GPHN: variants seen among roughly 807,000 people sequenced by gnomAD.
The protein encoded by GPHN is gephyrin.
GPHN carries 17 observed loss-of-function variants against 95.5 expected under a neutral mutation model. The ratio of observed to expected loss-of-function variants is 0.18; its 90% CI spans 0.12 to 0.27. The LOEUF (loss-of-function observed/expected upper bound fraction) is 0.27, where lower values mean the gene tolerates loss of function less well. Among genes scored for constraint, GPHN ranks in the 10% least tolerant of loss-of-function variants. The probability of loss-of-function intolerance (pLI) is 1.00; values close to 1 mark genes in which losing one functional copy is unlikely to be tolerated. For synonymous variants in GPHN, 320 were observed against 322.5 expected (o/e 0.99, Z 0.08); for missense variants, 660 against 978.1 (o/e 0.67, Z 4.34).
chr14:67,393,035 C>T, the GPHN span: 2 of 940,404 alleles, frequency 2.1e-6, no homozygotes, highest in Admixed American at 3.6e-5. Context: ...TCAGGCTAGC[C>T]TGTTGCCCAG....
chr14:66,672,399 C>A (rs117794758), intron 1 of GPHN, among the ~76,000 whole-genome samples: 135 of 152,196 alleles, frequency 8.9e-4, no homozygotes, highest in Non-Finnish European at 1.5e-3. Context: ...TGGATGAAGT[C>A]ATCAATAGAT....
chr14:67,027,276 A>T (rs1402348230), intron 10 of GPHN, among the ~76,000 whole-genome samples: 1 of 152,200 alleles, frequency 6.6e-6, no homozygotes, highest in Non-Finnish European at 1.5e-5. Flanking sequence ...AAAATAAAAA[A>T]ATTTTACAGA....
At chr14:66,795,992 C>T (rs2060143422) in intron 3 of GPHN, among the ~76,000 whole-genome samples, 1 of 152,134 alleles carries the variant, frequency 6.6e-6, no homozygotes, top group African/African-American at 2.4e-5. Flanking sequence ...CCCCCTCTAC[C>T]CTTCCTAGCC....
chr14:66,538,846 T>C (rs1242585791), intron 1 of GPHN, among the ~76,000 whole-genome samples: 1 of 151,940 alleles, frequency 6.6e-6, no homozygotes, highest in Non-Finnish European at 1.5e-5. Flanking sequence ...ATACAATATA[T>C]GAAATTAATA....
At chr14:67,572,008 C>T in the GPHN span, 1 of 1,480,908 alleles carries the variant, frequency 6.8e-7, no homozygotes, top group African/African-American at 1.4e-5. Flanking sequence ...GCTCGTGACC[C>T]CCCAGCAGCT....
At chr14:66,510,116 A>G (rs893819006) in intron 1 of GPHN, among the ~76,000 whole-genome samples, 37 of 152,168 alleles carry the variant, frequency 2.4e-4, no homozygotes, top group Admixed American at 5.2e-4. Flanking sequence ...TGGTCCTGAA[A>G]CTGTTTGGGT....
chr14:67,126,612 A>G (rs560661610), intron 17 of GPHN, among the ~76,000 whole-genome samples: 5 of 152,330 alleles, frequency 3.3e-5, no homozygotes, highest in Admixed American at 3.3e-4. Flanking sequence ...TTTTGAAAGG[A>G]TGTGGAGAAA....
chr14:66,838,189 A>C (rs1353574872), intron 4 of GPHN, among the ~76,000 whole-genome samples: 1 of 152,164 alleles, frequency 6.6e-6, no homozygotes, highest in Non-Finnish European at 1.5e-5. Context: ...TTATGTGTAA[A>C]ATGATAGTAA....
intron 5 of GPHN, among the ~76,000 whole-genome samples, chr14:66,893,124 A>G (rs983252617): frequency 2.0e-5 from 3 of 152,104 alleles, no homozygotes; most frequent in African/African-American, 4.8e-5. Context: ...CAACTTTTAT[A>G]TTTTCCTAAA....
At chr14:66,793,607 G>C (rs924807718) in intron 3 of GPHN, among the ~76,000 whole-genome samples, 1 of 152,042 alleles carries the variant, frequency 6.6e-6, no homozygotes, top group Non-Finnish European at 1.5e-5. Flanking sequence ...ATCTGTGTGT[G>C]ATTGTGTATA....
the GPHN span, among the ~76,000 whole-genome samples, chr14:67,348,313 G>T: frequency 6.6e-6 from 1 of 151,862 alleles, no homozygotes; most frequent in Non-Finnish European, 1.5e-5. Flanking sequence ...CAGGCGATCC[G>T]CCCACCTTGG....
chr14:66,986,878 A>G (rs2071061234), intron 9 of GPHN, among the ~76,000 whole-genome samples: 1 of 152,074 alleles, frequency 6.6e-6, no homozygotes, highest in South Asian at 2.1e-4. Context: ...CTGCCTTCTT[A>G]GCTTTACTTT....
the GPHN span, chr14:67,726,276 A>G: frequency 2.4e-5 from 18 of 740,414 alleles, no homozygotes; most frequent in Admixed American, 2.7e-4. Context: ...ATTCCAATAG[A>G]CTAGACCCAT....
the GPHN span, among the ~76,000 whole-genome samples, chr14:67,357,795 A>G: frequency 6.6e-6 from 1 of 152,178 alleles, no homozygotes; most frequent in African/African-American, 2.4e-5. Flanking sequence ...GAGAAACCTT[A>G]AAGTGTTGGT....
intron 2 of GPHN, among the ~76,000 whole-genome samples, chr14:66,728,185 G>A (rs1169633738): frequency 6.6e-6 from 1 of 152,142 alleles, no homozygotes; most frequent in Non-Finnish European, 1.5e-5. Context: ...GGGAACCTCT[G>A]CCTAGATTTC....
chr14:66,790,246 G>T (rs1187773089), intron 3 of GPHN, among the ~76,000 whole-genome samples: 1 of 152,140 alleles, frequency 6.6e-6, no homozygotes, highest in Non-Finnish European at 1.5e-5. Flanking sequence ...CCTCCCAGGG[G>T]CTCAGTGAAA....
chr14:66,790,745 G>C (rs950578080), intron 3 of GPHN, among the ~76,000 whole-genome samples: 1 of 152,230 alleles, frequency 6.6e-6, no homozygotes, highest in African/African-American at 2.4e-5. Flanking sequence ...GGAAGCCAGA[G>C]AAAGTCCCAC....
the GPHN span, among the ~76,000 whole-genome samples, chr14:67,686,913 G>A: frequency 6.6e-6 from 1 of 152,156 alleles, no homozygotes; most frequent in African/African-American, 2.4e-5. Flanking sequence ...ACTGACAGCT[G>A]CAGACACAGC....
the GPHN span, among the ~76,000 whole-genome samples, chr14:67,622,122 G>A: frequency 0.023 from 3,533 of 152,138 alleles, 138 homozygotes; most frequent in African/African-American, 0.081. Flanking sequence ...ATGGCAGGAA[G>A]GTTCTTCTTT....
Sources: gnomAD v4.1 joint callset for allele counts (sites outside exome capture counted in the v4.1 genomes callset) on GRCh38, gnomAD v4.1.1 for gene constraint, MANE v1.5 for transcripts, NCBI Gene and HGNC (gene_info 2026-07-23, HGNC 2026-07-21) for gene names.